WDR89: variants seen among roughly 807,000 people sequenced by gnomAD.
WDR89 encodes the protein WD repeat-containing protein 89.
A neutral mutation model predicts 29.1 loss-of-function variants in WDR89; 17 were observed. The ratio of observed to expected loss-of-function variants is 0.58; its 90% CI spans 0.40 to 0.88. The LOEUF (loss-of-function observed/expected upper bound fraction) is 0.88. Among genes scored for constraint, WDR89 ranks in the 40% least tolerant of loss-of-function variants. The pLI, the probability that WDR89 is intolerant of heterozygous loss-of-function variation, is 0.00. For missense variants in WDR89, 396 were observed against 456.3 expected (o/e 0.87, Z 1.20); for synonymous variants, 138 against 157.8 (o/e 0.87, Z 0.94).
Position 63,599,046 on chromosome 14 carries a change from C to G in WDR89, c.897G>C (p.Arg299Ser). Residue 299 changes from arginine to serine, a missense_variant, in exon 3 of 3, where the codon AGG becomes AGC. Physicochemically the swap from Arg to Ser is moderately radical, Grantham distance 110. Coordinates refer to ENST00000620954, the MANE Select transcript of WDR89 (RefSeq NM_080666.4). ...ACATGCTGCAGTTCATCAAATGAAT[C>G]CTTCCTTTGTTTGTTCCTCCAATAA... ...LHVIGGTNKG[R>S]IHLMNCSMSG... The G allele has an allele frequency of 6.2e-7, 1 of 1,614,188 alleles. No individual in the cohort carries two copies.
At chr14:63,627,389 T>C (rs1156636072) in intron 1 of WDR89, among the ~76,000 whole-genome samples, 2 of 152,108 alleles carry the variant, frequency 1.3e-5, no homozygotes. Context: ...GTGGTCAAAT[T>C]AGAGTATTGC....
At chr14:63,619,918 T>A (rs764944983) in intron 2 of WDR89, among the ~76,000 whole-genome samples, 3 of 145,902 alleles carry the variant, frequency 2.1e-5, no homozygotes, top group Non-Finnish European at 3.0e-5. Context: ...GGCAGGAGAA[T>A]CACTTGAACC....
chr14:63,630,829 T>C (rs1883354027), intron 1 of WDR89: 1 of 151,520 alleles, frequency 6.6e-6, no homozygotes, highest in Admixed American at 6.6e-5. Flanking sequence ...AGTCTTGCAC[T>C]GTTGTCCAGG....
chr14:63,605,813 G>A (rs1453869561), intron 2 of WDR89, among the ~76,000 whole-genome samples: 1 of 152,060 alleles, frequency 6.6e-6, no homozygotes, highest in Non-Finnish European at 1.5e-5. Flanking sequence ...TTATTGAAAG[G>A]AAGTTAACTG....
chr14:63,602,712 C>T (rs567023685), intron 2 of WDR89, among the ~76,000 whole-genome samples: 18 of 149,288 alleles, frequency 1.2e-4, no homozygotes. Flanking sequence ...GAGGAGGTTG[C>T]GGTGAGCCGA....
Position 63,599,989 on chromosome 14 carries a change from A to C in WDR89, c.-31-16T>G, listed in dbSNP as rs749778912. 8 of 1,307,932 alleles carry C rather than the reference A, an allele frequency of 6.1e-6. No individual in the cohort carries two copies. Among genetic ancestry groups the C allele is most frequent in the Non-Finnish European group, 7.0e-6 (7 of 1,004,100 alleles). The allele number at this position is 1,307,932 out of a possible 1,614,324, so 81.0% of individuals were successfully genotyped here. ...TAGTAAAACTCTGTAAAAAATAATAATAATAAAAATAAAAATTAATGCTTA... is the reference window on the plus strand; with the variant it reads ...TAGTAAAACTCTGTAAAAAATAATACTAATAAAAATAAAAATTAATGCTTA... On this transcript the variant is annotated splice_polypyrimidine_tract_variant and intron_variant, in intron 2 of 2. Transcript: ENST00000620954.
intron 1 of WDR89, among the ~76,000 whole-genome samples, chr14:63,631,823 A>T (rs1883422665): frequency 6.6e-6 from 1 of 152,186 alleles, no homozygotes; most frequent in Non-Finnish European, 1.5e-5. Flanking sequence ...GTCAGAAAGT[A>T]AATCCAGGCC....
At chr14:63,601,112 C>T (rs1184697438) in intron 2 of WDR89, among the ~76,000 whole-genome samples, 1 of 151,958 alleles carries the variant, frequency 6.6e-6, no homozygotes, top group Non-Finnish European at 1.5e-5. Flanking sequence ...GAAATGCAGC[C>T]CTGTTGACAT....
intron 2 of WDR89, among the ~76,000 whole-genome samples, chr14:63,612,634 C>T (rs1391519432): frequency 2.0e-5 from 3 of 152,106 alleles, no homozygotes; most frequent in Admixed American, 2.0e-4. Flanking sequence ...CTCGGCCTCC[C>T]AAAGTGCCCC....
chr14:63,611,770 A>C (rs1011474821), intron 2 of WDR89, among the ~76,000 whole-genome samples: 1 of 144,586 alleles, frequency 6.9e-6, no homozygotes, highest in Non-Finnish European at 1.5e-5. Flanking sequence ...TCTGTCCCCC[A>C]GGCTAGAGTG....
intron 1 of WDR89, among the ~76,000 whole-genome samples, chr14:63,639,365 A>G (rs1199990542): frequency 6.6e-6 from 1 of 151,704 alleles, no homozygotes; most frequent in African/African-American, 2.4e-5. Context: ...ACCAAAAAAA[A>G]AAAAAAAAAA....
intron 1 of WDR89, among the ~76,000 whole-genome samples, chr14:63,636,102 G>A (rs539881834): frequency 6.6e-6 from 1 of 152,258 alleles, no homozygotes; most frequent in Admixed American, 6.5e-5. Flanking sequence ...CCAGCTACTT[G>A]GGAGGCTCAG....
intron 1 of WDR89, among the ~76,000 whole-genome samples, chr14:63,634,477 G>A (rs1392759375): frequency 1.3e-5 from 2 of 151,362 alleles, no homozygotes; most frequent in African/African-American, 2.4e-5. Context: ...AGCCAAGATC[G>A]TGCCACTGCA....
chr14:63,611,264 G>A (rs1881967721), intron 2 of WDR89, among the ~76,000 whole-genome samples: 1 of 149,380 alleles, frequency 6.7e-6, no homozygotes. Flanking sequence ...TTGAACCCAG[G>A]AGGCGGAGGT....
intron 2 of WDR89, among the ~76,000 whole-genome samples, chr14:63,602,088 G>A (rs7160317): frequency 0.51 from 76,841 of 152,028 alleles, 22,468 homozygotes; most frequent in African/African-American, 0.82. Flanking sequence ...CTTTAAAAGG[G>A]GAAATGAGTA....
chr14:63,608,848 A>G lies in WDR89; in HGVS notation c.-31-8875T>C, dbSNP rs115752006. 5.4e-3 allele frequency among the ~76,000 whole-genome samples: 824 copies of G among 152,312 alleles called. 9 individuals are homozygous for G. The highest frequency in any genetic ancestry group is 0.019 in the African/African-American group (800 of 41,572). On this transcript the variant is annotated intron_variant, in intron 2 of 2. Transcript: ENST00000620954. ...CGGTGCCTCGGTGGCTCACGCCTAT[A>G]ATCTCAGTGCTTTGGGAGGCTGAGG...
At chr14:63,628,846 C>T (rs1215780166) in intron 1 of WDR89, among the ~76,000 whole-genome samples, 1 of 151,912 alleles carries the variant, frequency 6.6e-6, no homozygotes, top group Non-Finnish European at 1.5e-5. Flanking sequence ...TGCCTGTGGT[C>T]CCAGCAACTT....
intron 2 of WDR89, among the ~76,000 whole-genome samples, chr14:63,606,002 T>A (rs1311103740): frequency 6.6e-6 from 1 of 152,118 alleles, no homozygotes; most frequent in Non-Finnish European, 1.5e-5. Flanking sequence ...GTGTGTCTTT[T>A]TTCTTCTTTT....
In WDR89 at chr14:63,601,415, G is replaced by A; in HGVS notation, c.-31-1442C>T. On this transcript the variant is annotated intron_variant, in intron 2 of 2. Transcript: ENST00000620954. The stretch of plus-strand genomic sequence containing the variant: ...CCTCTCCAGGGTGGGCTGTATGTAG[G>A]ACAAGTTCAAGGCCAGAAAAACATG... 4 of 782,218 alleles carry A rather than the reference G, an allele frequency of 5.1e-6. No homozygotes were observed. In the Admixed American group the frequency reaches 7.0e-5, roughly 14 times the overall value. 48.5% of individuals were successfully genotyped at this position (782,218 alleles called of 1,614,324 possible).
Sources: gnomAD v4.1 joint callset for allele counts (sites outside exome capture counted in the v4.1 genomes callset) on GRCh38, gnomAD v4.1.1 for gene constraint, MANE v1.5 for transcripts, NCBI Gene and HGNC (gene_info 2026-07-23, HGNC 2026-07-21) for gene names.